THSD7A: variants seen among roughly 807,000 people sequenced by gnomAD.
THSD7A encodes the protein thrombospondin type 1 domain containing 7A.
In THSD7A, 96 loss-of-function variants were observed where a neutral mutation model predicts 231.3. The observed-to-expected ratio is 0.41, with a 90% confidence interval of 0.35 to 0.49. The LOEUF (loss-of-function observed/expected upper bound fraction) is 0.49. THSD7A is among the 20% of genes least tolerant of loss of function. THSD7A has a pLI of 0.05. For synonymous variants in THSD7A, 940 were observed against 743.3 expected (o/e 1.26, Z -4.30); for missense variants, 2,290 against 2,070.2 (o/e 1.11, Z -2.06).
chr7:11,659,022 A>G (rs752361922), intron 1 of THSD7A, among the ~76,000 whole-genome samples: 2 of 151,720 alleles, frequency 1.3e-5, no homozygotes, highest in African/African-American at 2.4e-5. Context: ...AGAAAAATAC[A>G]TGACACATTT....
At chr7:11,650,445 A>C (rs1358275345) in intron 1 of THSD7A, among the ~76,000 whole-genome samples, 1 of 152,116 alleles carries the variant, frequency 6.6e-6, no homozygotes, top group Non-Finnish European at 1.5e-5. Flanking sequence ...AACTATAAAC[A>C]GGAAGCTACT....
chr7:11,533,406 T>A (rs1242849028), intron 6 of THSD7A, among the ~76,000 whole-genome samples: 2 of 152,306 alleles, frequency 1.3e-5, no homozygotes, highest in Middle Eastern at 3.4e-3. Context: ...ATCAAGGAAC[T>A]TACTCTGTTC....
intron 1 of THSD7A, among the ~76,000 whole-genome samples, chr7:11,750,847 A>G (rs550902271): frequency 6.6e-6 from 1 of 152,146 alleles, no homozygotes; most frequent in South Asian, 2.1e-4. Context: ...TAATACACTT[A>G]TTGTGAGTAA....
At chr7:11,689,939 T>C (rs1490129763) in intron 1 of THSD7A, among the ~76,000 whole-genome samples, 3 of 151,666 alleles carry the variant, frequency 2.0e-5, no homozygotes, top group African/African-American at 7.3e-5. Flanking sequence ...GCTGCCAAAT[T>C]ATAATTTTCA....
At chr7:11,417,362 T>C (rs2115397359) in intron 17 of THSD7A, 88 bp downstream of exon 17, 1 of 1,266,788 alleles carries the variant, frequency 7.9e-7, no homozygotes, top group Non-Finnish European at 1.1e-6. Context: ...TACATTGAAG[T>C]TATTATATTC....
At chr7:11,383,996 T>G (rs764254309) in intron 23 of THSD7A, 1 of 152,030 alleles carries the variant, frequency 6.6e-6, no homozygotes, top group African/African-American at 2.4e-5. Context: ...CCAGCTGTCT[T>G]AAGTTAGACT....
chr7:11,561,213 A>G (rs896494918), intron 4 of THSD7A, among the ~76,000 whole-genome samples: 1 of 152,196 alleles, frequency 6.6e-6, no homozygotes, highest in Admixed American at 6.5e-5. Context: ...CTAAATACAC[A>G]GGCACACACA....
chr7:11,373,425 T>C lies in THSD7A; in HGVS notation c.*2369A>G, dbSNP rs567498672. On this transcript the variant is annotated 3_prime_UTR_variant, in exon 28 of 28. Coordinates refer to ENST00000423059, the MANE Select transcript of THSD7A (RefSeq NM_015204.3). ...TATCTGGAAGACCCCTGATTATATA[T>C]ATTGACAATCACAGTTTTAAAGTAA... 6.6e-6 allele frequency: 1 copy of C among 152,150 alleles called. No homozygotes were observed. The highest frequency in any genetic ancestry group is 1.5e-5 in the Non-Finnish European group (1 of 67,948). The allele number at this position is 152,150 out of a possible 1,614,324, so 9.4% of individuals were successfully genotyped here.
chr7:11,515,079 AT>A lies in THSD7A; in HGVS notation c.1822+26339del, dbSNP rs564314693. Among the ~76,000 whole-genome samples the A allele has an allele frequency of 2.6e-4, 39 of 152,184 alleles. 1 individual carries two copies. The highest frequency in any genetic ancestry group is 5.3e-4 in the Non-Finnish European group (36 of 68,008). ...ATGCAAATATTAACTTTAGAAATAA[AT>A]TTTACATGTAACTAATGGGAAATCA... On this transcript the variant is annotated intron_variant, in intron 6 of 27. Transcript: ENST00000423059.
At chr7:11,801,273 T>A (rs1784268074) in intron 1 of THSD7A, among the ~76,000 whole-genome samples, 1 of 152,218 alleles carries the variant, frequency 6.6e-6, no homozygotes, top group Non-Finnish European at 1.5e-5. Flanking sequence ...TACTGCCTCA[T>A]AATTTCCTTC....
intron 17 of THSD7A, chr7:11,413,693 G>C (rs1783864893): frequency 6.6e-6 from 1 of 152,174 alleles, no homozygotes; most frequent in Non-Finnish European, 1.5e-5. Flanking sequence ...GAGAGGAGAG[G>C]AACCTGAATT....
At chr7:11,401,705 C>T (rs1284178362) in intron 23 of THSD7A, 90 bp downstream of exon 23, 8 of 1,271,762 alleles carry the variant, frequency 6.3e-6, no homozygotes, top group African/African-American at 1.5e-5. Context: ...AGCCACCGCA[C>T]GTGGCCAACT....
intron 1 of THSD7A, among the ~76,000 whole-genome samples, chr7:11,799,121 C>T (rs1784209188): frequency 6.6e-6 from 1 of 152,106 alleles, no homozygotes; most frequent in African/African-American, 2.4e-5. Context: ...TGGGGTTTCA[C>T]CATGTTGGCC....
chr7:11,764,786 C>T (rs962958515), intron 1 of THSD7A, among the ~76,000 whole-genome samples: 1 of 151,938 alleles, frequency 6.6e-6, no homozygotes, highest in African/African-American at 2.4e-5. Flanking sequence ...TCAATTTATT[C>T]AATTTCAGCC....
intron 1 of THSD7A, among the ~76,000 whole-genome samples, chr7:11,769,153 A>ATATTTTTTTTTTTTTT: frequency 2.2e-4 from 6 of 27,646 alleles, no homozygotes; most frequent in Non-Finnish European, 4.2e-4. Context: ...ATATATATAT[A>ATATTTTTTTTTTTTTT]TTTTTTTTTT....
chr7:11,494,351 T>A (rs1787014194), intron 6 of THSD7A, among the ~76,000 whole-genome samples: 1 of 152,002 alleles, frequency 6.6e-6, no homozygotes, highest in African/African-American at 2.4e-5. Flanking sequence ...ATTCCCACTG[T>A]TTTTATTATA....
intron 1 of THSD7A, among the ~76,000 whole-genome samples, chr7:11,781,931 C>A (rs917969026): frequency 2.6e-5 from 4 of 152,062 alleles, no homozygotes; most frequent in Non-Finnish European, 5.9e-5. Context: ...TTCTTTATTT[C>A]AGGAGTCTTT....
At chr7:11,603,634 T>C (rs2128345590) in intron 2 of THSD7A, among the ~76,000 whole-genome samples, 1 of 151,542 alleles carries the variant, frequency 6.6e-6, no homozygotes, top group South Asian at 2.1e-4. Flanking sequence ...AACCCAAATG[T>C]CCAACAATGA....
intron 1 of THSD7A, among the ~76,000 whole-genome samples, chr7:11,652,231 C>G (rs748560839): frequency 1.3e-5 from 2 of 151,636 alleles, no homozygotes; most frequent in East Asian, 3.9e-4. Flanking sequence ...AGCAATTAAT[C>G]AGGCTGAAGA....
Sources: gnomAD v4.1 joint callset for allele counts (sites outside exome capture counted in the v4.1 genomes callset) on GRCh38, gnomAD v4.1.1 for gene constraint, MANE v1.5 for transcripts, NCBI Gene and HGNC (gene_info 2026-07-23, HGNC 2026-07-21) for gene names.